The following ENTREP1 variants were observed in gnomAD, a reference collection of about 807,000 sequenced individuals.
The protein encoded by ENTREP1 is Friedreich ataxia region gene X123.
At chr9:69,329,197 C>T in the ENTREP1 span, 6 of 202,474 alleles carry the variant, frequency 3.0e-5, no homozygotes, top group Non-Finnish European at 5.3e-5. Context: ...AGAATATCCT[C>T]ATATTTCAAG....
At chr9:69,363,550 C>A in the ENTREP1 span, among the ~76,000 whole-genome samples, 1 of 152,112 alleles carries the variant, frequency 6.6e-6, no homozygotes, top group Non-Finnish European at 1.5e-5. Flanking sequence ...AACTGTTAAC[C>A]TTTTCTAAGC....
chr9:69,330,920 A>G, the ENTREP1 span, among the ~76,000 whole-genome samples: 7 of 152,340 alleles, frequency 4.6e-5, no homozygotes, highest in South Asian at 4.1e-4. Context: ...ACCTGTATCA[A>G]TGGTTTTTAA....
At chr9:69,369,875 TG>T in the ENTREP1 span, among the ~76,000 whole-genome samples, 1 of 152,234 alleles carries the variant, frequency 6.6e-6, no homozygotes, top group Non-Finnish European at 1.5e-5. Context: ...TTAAGTCTTT[TG>T]CCCCAATTTT....
chr9:69,360,946 AT>A, the ENTREP1 span, among the ~76,000 whole-genome samples: 1 of 152,104 alleles, frequency 6.6e-6, no homozygotes, highest in Non-Finnish European at 1.5e-5. Flanking sequence ...CTTGATCAAC[AT>A]TTTTAGCTAA....
chr9:69,358,652 C>T, the ENTREP1 span, among the ~76,000 whole-genome samples: 2 of 152,110 alleles, frequency 1.3e-5, no homozygotes, highest in Non-Finnish European at 2.9e-5. Flanking sequence ...GTGGGATTAG[C>T]ACCTTTTGAA....
chr9:69,365,924 G>A, the ENTREP1 span, among the ~76,000 whole-genome samples: 17 of 151,974 alleles, frequency 1.1e-4, no homozygotes, highest in Non-Finnish European at 1.3e-4. Flanking sequence ...TTATTCATTC[G>A]TCTGTTGATG....
At chr9:69,353,968 A>G in the ENTREP1 span, among the ~76,000 whole-genome samples, 55 of 152,322 alleles carry the variant, frequency 3.6e-4, no homozygotes, top group African/African-American at 1.3e-3. Flanking sequence ...AACAATCAAC[A>G]CACGTCCAGA....
the ENTREP1 span, chr9:69,377,349 G>A: frequency 1.5e-6 from 2 of 1,368,384 alleles, no homozygotes; most frequent in Non-Finnish European, 1.0e-6. Flanking sequence ...ACTTAGTGGT[G>A]CCATTGTTTC....
the ENTREP1 span, chr9:69,375,630 C>A: frequency 1.1e-6 from 1 of 912,686 alleles, no homozygotes; most frequent in Non-Finnish European, 1.7e-6. Context: ...TTGCCTGACA[C>A]AGAACCCTGC....
At chr9:69,363,482 C>T in the ENTREP1 span, among the ~76,000 whole-genome samples, 7 of 152,296 alleles carry the variant, frequency 4.6e-5, no homozygotes, top group South Asian at 1.5e-3. Context: ...TTAGAATTGA[C>T]AAGTGGTTAG....
the ENTREP1 span, among the ~76,000 whole-genome samples, chr9:69,334,879 C>T: frequency 1.0e-4 from 15 of 150,530 alleles, no homozygotes; most frequent in Non-Finnish European, 2.2e-4. Context: ...TGGGTTCAGG[C>T]GACTCTTGTG....
the ENTREP1 span, among the ~76,000 whole-genome samples, chr9:69,337,298 G>T: frequency 6.6e-6 from 1 of 152,056 alleles, no homozygotes. Context: ...ATGAGCCACC[G>T]CGCCTGGACT....
At chr9:69,341,086 C>T in the ENTREP1 span, among the ~76,000 whole-genome samples, 4 of 152,060 alleles carry the variant, frequency 2.6e-5, no homozygotes, top group Non-Finnish European at 4.4e-5. Flanking sequence ...AGGTATTTTT[C>T]CTTGGTAGTA....
At chr9:69,372,731 A>C in the ENTREP1 span, among the ~76,000 whole-genome samples, 4 of 152,116 alleles carry the variant, frequency 2.6e-5, no homozygotes, top group East Asian at 7.7e-4. Flanking sequence ...TTCTATTTTA[A>C]ATTTTTTGAG....
chr9:69,328,344 A>G, the ENTREP1 span, among the ~76,000 whole-genome samples: 1 of 152,224 alleles, frequency 6.6e-6, no homozygotes, highest in East Asian at 1.9e-4. Context: ...AGAAAATATA[A>G]CCAGCATAGG....
At chr9:69,338,733 T>TA in the ENTREP1 span, among the ~76,000 whole-genome samples, 1 of 152,358 alleles carries the variant, frequency 6.6e-6, no homozygotes, top group East Asian at 1.9e-4. Flanking sequence ...GGTTTCCATG[T>TA]ATGAGGAGTC....
chr9:69,324,589 TC>T, the ENTREP1 span: 1 of 985,050 alleles, frequency 1.0e-6, no homozygotes, highest in East Asian at 1.1e-4. Context: ...TCATTCCCGC[TC>T]CTACCGAGAT....
chr9:69,327,723 AGAG>A, the ENTREP1 span, among the ~76,000 whole-genome samples: 2 of 152,326 alleles, frequency 1.3e-5, no homozygotes, highest in South Asian at 2.1e-4. Flanking sequence ...TGGGCACACC[AGAG>A]GAGAGAAAGA....
At chr9:69,364,775 T>G in the ENTREP1 span, among the ~76,000 whole-genome samples, 1 of 152,186 alleles carries the variant, frequency 6.6e-6, no homozygotes. Flanking sequence ...TTTAATAACA[T>G]AATAGTAAAG....
Sources: gnomAD v4.1 joint callset for allele counts (sites outside exome capture counted in the v4.1 genomes callset) on GRCh38, gnomAD v4.1.1 for gene constraint, MANE v1.5 for transcripts, NCBI Gene and HGNC (gene_info 2026-07-23, HGNC 2026-07-21) for gene names.